Variants in SPMIP2 observed in about 807,000 individuals in gnomAD.
SPMIP2 encodes the protein sperm microtubule inner protein 2.
At chr4:158,973,091 G>A in the SPMIP2 span, 1 of 1,577,250 alleles carries the variant, frequency 6.3e-7, no homozygotes, top group South Asian at 1.1e-5. Context: ...TGATATGAAA[G>A]CCACTCCCCA....
the SPMIP2 span, among the ~76,000 whole-genome samples, chr4:158,935,397 A>ACGACAC: frequency 5.6e-4 from 86 of 152,338 alleles, no homozygotes; most frequent in Middle Eastern, 3.4e-3. Flanking sequence ...CCCACAGACC[A>ACGACAC]TTGTTCATAC....
At chr4:159,013,033 G>A in the SPMIP2 span, among the ~76,000 whole-genome samples, 1 of 152,190 alleles carries the variant, frequency 6.6e-6, no homozygotes, top group African/African-American at 2.4e-5. Context: ...CCACGTCTAC[G>A]ATCATTCCCC....
At chr4:158,944,379 C>T in the SPMIP2 span, among the ~76,000 whole-genome samples, 9 of 152,050 alleles carry the variant, frequency 5.9e-5, no homozygotes, top group East Asian at 1.9e-4. Flanking sequence ...TCTTATTTCA[C>T]GGTGAACCTC....
chr4:158,950,763 G>A, the SPMIP2 span, among the ~76,000 whole-genome samples: 5 of 152,120 alleles, frequency 3.3e-5, no homozygotes, highest in Non-Finnish European at 7.3e-5. Context: ...GGTCGTGGTG[G>A]CAGGTGTCTG....
the SPMIP2 span, among the ~76,000 whole-genome samples, chr4:159,022,439 C>T: frequency 6.6e-6 from 1 of 152,030 alleles, no homozygotes; most frequent in African/African-American, 2.4e-5. Context: ...TCGTAAAGAG[C>T]AGTGGAATTG....
At chr4:158,951,631 G>T in the SPMIP2 span, among the ~76,000 whole-genome samples, 1 of 152,132 alleles carries the variant, frequency 6.6e-6, no homozygotes, top group Admixed American at 6.5e-5. Context: ...ATCCCAAGTA[G>T]AACAAAGAGG....
At chr4:159,077,955 G>C in the SPMIP2 span, among the ~76,000 whole-genome samples, 4 of 152,004 alleles carry the variant, frequency 2.6e-5, no homozygotes, top group African/African-American at 9.7e-5. Context: ...TACCAAAGAG[G>C]GGATGTAATC....
chr4:158,920,080 A>C, the SPMIP2 span, among the ~76,000 whole-genome samples: 6 of 152,352 alleles, frequency 3.9e-5, no homozygotes, highest in East Asian at 9.6e-4. Flanking sequence ...CAGCAGAGGA[A>C]GATGAATTGT....
At chr4:159,059,068 T>C in the SPMIP2 span, among the ~76,000 whole-genome samples, 3 of 152,218 alleles carry the variant, frequency 2.0e-5, no homozygotes, top group Admixed American at 2.0e-4. Flanking sequence ...TTCTAAAATG[T>C]ACAGCAGGAA....
chr4:159,078,470 C>T, the SPMIP2 span, among the ~76,000 whole-genome samples: 7 of 152,192 alleles, frequency 4.6e-5, no homozygotes, highest in African/African-American at 1.7e-4. Flanking sequence ...AGTGGAGAAA[C>T]ACTGAGGGCT....
the SPMIP2 span, chr4:158,906,439 C>T: frequency 6.6e-6 from 1 of 152,164 alleles, no homozygotes; most frequent in African/African-American, 2.4e-5. Flanking sequence ...CAGTTCAATT[C>T]TAATGTGGAC....
chr4:158,946,093 T>G, the SPMIP2 span, among the ~76,000 whole-genome samples: 2 of 152,188 alleles, frequency 1.3e-5, no homozygotes, highest in East Asian at 3.8e-4. Context: ...TCTCACACAC[T>G]TTAGATGTGT....
the SPMIP2 span, among the ~76,000 whole-genome samples, chr4:158,896,896 G>A: frequency 6.6e-6 from 1 of 150,552 alleles, no homozygotes; most frequent in African/African-American, 2.5e-5. Context: ...TGCAAAACGT[G>A]CAGGTCTGTT....
At chr4:158,967,183 T>G in the SPMIP2 span, among the ~76,000 whole-genome samples, 3 of 152,224 alleles carry the variant, frequency 2.0e-5, no homozygotes, top group Non-Finnish European at 4.4e-5. Flanking sequence ...TTTCCTTCAA[T>G]GTATTTGAGA....
chr4:159,014,729 AT>A, the SPMIP2 span, among the ~76,000 whole-genome samples: 1 of 152,122 alleles, frequency 6.6e-6, no homozygotes, highest in Admixed American at 6.5e-5. Flanking sequence ...AGGGGTTCCA[AT>A]TTTTTGGCTT....
chr4:158,967,632 T>A, the SPMIP2 span, among the ~76,000 whole-genome samples: 1 of 152,330 alleles, frequency 6.6e-6, no homozygotes, highest in Admixed American at 6.5e-5. Context: ...CATCTGGAGA[T>A]TAGGAATTTT....
chr4:159,030,720 C>T, the SPMIP2 span, among the ~76,000 whole-genome samples: 1 of 152,076 alleles, frequency 6.6e-6, no homozygotes, highest in South Asian at 2.1e-4. Flanking sequence ...TGGTCTCAAA[C>T]CCCTGACCTT....
At chr4:158,947,526 A>G in the SPMIP2 span, among the ~76,000 whole-genome samples, 2 of 152,230 alleles carry the variant, frequency 1.3e-5, no homozygotes, top group East Asian at 1.9e-4. Context: ...TTGTTTTTCA[A>G]TTTAGGAGCC....
the SPMIP2 span, among the ~76,000 whole-genome samples, chr4:158,957,502 C>A: frequency 6.6e-6 from 1 of 152,204 alleles, no homozygotes; most frequent in Non-Finnish European, 1.5e-5. Context: ...TCTCAGCTCA[C>A]TGCAACCTCC....
Sources: allele counts gnomAD v4.1 joint callset (sites outside exome capture counted in the v4.1 genomes callset), GRCh38; gene constraint gnomAD v4.1.1; transcripts MANE v1.5; gene names NCBI Gene and HGNC (gene_info 2026-07-23, HGNC 2026-07-21).